The following SHB variants were observed in gnomAD, a reference collection of about 807,000 sequenced individuals.
SHB encodes the protein SH2 domain-containing adapter protein B.
In SHB, 20 loss-of-function variants were observed where a neutral mutation model predicts 52.3. That is an observed-to-expected ratio of 0.38 (90% CI 0.27 to 0.56). The LOEUF is 0.56. Ranked by LOEUF, SHB falls within the 20% of genes least tolerant of loss-of-function variation. The pLI, the probability that SHB is intolerant of heterozygous loss-of-function variation, is 0.71. For synonymous variants in SHB, 397 were observed against 316.5 expected (o/e 1.25, Z -2.70); for missense variants, 825 against 723.3 (o/e 1.14, Z -1.61).
intron 1 of SHB, among the ~76,000 whole-genome samples, chr9:38,056,248 A>C (rs1210176646): frequency 6.6e-6 from 1 of 152,232 alleles, no homozygotes; most frequent in African/African-American, 2.4e-5. Flanking sequence ...TCATACAATG[A>C]AATCAAACTC....
At chr9:38,014,851 G>A (rs933947692) in intron 2 of SHB, among the ~76,000 whole-genome samples, 3 of 152,202 alleles carry the variant, frequency 2.0e-5, no homozygotes, top group African/African-American at 7.2e-5. Flanking sequence ...AGCCCTATAA[G>A]CTGACGCTGG....
At chr9:38,046,030 C>T (rs141520721) in intron 1 of SHB, among the ~76,000 whole-genome samples, 2 of 151,932 alleles carry the variant, frequency 1.3e-5, no homozygotes, top group Non-Finnish European at 2.9e-5. Flanking sequence ...AGTTCAAGAC[C>T]AGCCTGGCCA....
chr9:38,060,916 C>G (rs564517505), intron 1 of SHB, among the ~76,000 whole-genome samples: 9 of 152,350 alleles, frequency 5.9e-5, no homozygotes, highest in African/African-American at 2.2e-4. Context: ...ACTATCCAGG[C>G]CCTGGTTCAT....
chr9:37,924,770 T>G (rs1193636899), intron 5 of SHB, among the ~76,000 whole-genome samples: 3 of 152,086 alleles, frequency 2.0e-5, no homozygotes, highest in Non-Finnish European at 2.9e-5. Flanking sequence ...GCAAACAACT[T>G]TAAGTTGTTA....
intron 2 of SHB, among the ~76,000 whole-genome samples, chr9:37,982,905 T>C (rs957824306): frequency 6.6e-6 from 1 of 151,096 alleles, no homozygotes; most frequent in East Asian, 1.9e-4. Flanking sequence ...TCTTCAGGAA[T>C]AGAAAAAAAA....
chr9:38,042,371 G>A (rs759589639), intron 1 of SHB, among the ~76,000 whole-genome samples: 1 of 152,192 alleles, frequency 6.6e-6, no homozygotes, highest in Non-Finnish European at 1.5e-5. Context: ...TTTAATTACT[G>A]AGGAGCAGTG....
At position 37,974,762 on chromosome 9, in the gene SHB, C is replaced by A. The variant is rs78261523; in HGVS notation, c.914G>T (p.Gly305Val). 1.4e-5 allele frequency: 22 copies of A among 1,614,026 alleles called. No homozygotes were observed. The highest frequency in any genetic ancestry group is 1.2e-4 in the African/African-American group (9 of 74,916). Reference protein sequence around the residue: ...QLYDTPYEPEGQSVDSDSEST... With the variant: ...QLYDTPYEPEVQSVDSDSEST... ...CTCCGAGTCTGAGTCAACACTTTGG[C>A]CTTCAGGTTCGTAAGGGGTGTCATA... The change falls in exon 3 of 6, where the codon GGC becomes GTC. Residue 305 changes from glycine (G) to valine (V), a missense_variant. Transcript: ENST00000377707.
intron 5 of SHB, among the ~76,000 whole-genome samples, chr9:37,939,365 G>A (rs548591897): frequency 5.3e-5 from 8 of 152,368 alleles, no homozygotes; most frequent in African/African-American, 1.9e-4. Context: ...ACGGCCTTAA[G>A]ACAGGTTAAG....
chr9:38,065,926 T>G (rs747238902), intron 1 of SHB, among the ~76,000 whole-genome samples: 33 of 152,124 alleles, frequency 2.2e-4, no homozygotes, highest in Non-Finnish European at 4.0e-4. Flanking sequence ...ATAATGGCCC[T>G]GCCTCCAAGG....
At chr9:37,920,429 G>C (rs1182792693) in intron 5 of SHB, among the ~76,000 whole-genome samples, 1 of 152,220 alleles carries the variant, frequency 6.6e-6, no homozygotes, top group Non-Finnish European at 1.5e-5. Flanking sequence ...CATGACAAGT[G>C]GGTAGGGCAG....
At chr9:38,023,470 G>A (rs1195087367) in intron 1 of SHB, among the ~76,000 whole-genome samples, 1 of 152,194 alleles carries the variant, frequency 6.6e-6, no homozygotes, top group Non-Finnish European at 1.5e-5. Flanking sequence ...GCGGTGAGGG[G>A]CAAAAGCACT....
chr9:38,029,234 C>T (rs944045483), intron 1 of SHB, among the ~76,000 whole-genome samples: 5 of 152,220 alleles, frequency 3.3e-5, no homozygotes, highest in Non-Finnish European at 7.3e-5. Context: ...CTGGGGGAGT[C>T]AATGAGCAAA....
At position 38,018,256 on chromosome 9, in the gene SHB, T is replaced by C. The variant is rs28459107; in HGVS notation, c.718-2125A>G. Among the ~76,000 whole-genome samples, 1,148 of 152,278 alleles carry C rather than the reference T, an allele frequency of 7.5e-3. 21 individuals carry two copies. Among genetic ancestry groups the C allele is most frequent in the African/African-American group, 0.025 (1,057 of 41,550 alleles). ...TCTGTAATTTGCAAACACAGAGGTT[T>C]GCAGGATATAAACCAAATCTTTGTT... On this transcript the variant is annotated intron_variant, in intron 1 of 5. Coordinates refer to ENST00000377707, the MANE Select transcript of SHB (RefSeq NM_003028.3).
intron 3 of SHB, among the ~76,000 whole-genome samples, chr9:37,965,539 AG>A (rs1284724946): frequency 6.6e-6 from 1 of 151,354 alleles, no homozygotes; most frequent in Non-Finnish European, 1.5e-5. Flanking sequence ...AAGAGAACAC[AG>A]GGTTGGTTTT....
intron 2 of SHB, among the ~76,000 whole-genome samples, chr9:37,983,077 A>T (rs1332180812): frequency 6.6e-6 from 1 of 151,790 alleles, no homozygotes; most frequent in Non-Finnish European, 1.5e-5. Context: ...GAGGAATGAG[A>T]TGCAGTCCTG....
intron 1 of SHB, among the ~76,000 whole-genome samples, chr9:38,040,217 G>C (rs548060048): frequency 1.1e-4 from 17 of 152,362 alleles, no homozygotes; most frequent in African/African-American, 3.8e-4. Flanking sequence ...GGCACAACTC[G>C]ATGGGGAAAG....
chr9:37,985,851 C>CAGTGATG (rs11273348), intron 2 of SHB, among the ~76,000 whole-genome samples: 3 of 151,400 alleles, frequency 2.0e-5, no homozygotes, highest in African/African-American at 7.3e-5. Flanking sequence ...AGTTGGACAG[C>CAGTGATG]AGTGAGCGCC....
chr9:38,022,277 C>T (rs1245128870), intron 1 of SHB, among the ~76,000 whole-genome samples: 1 of 152,132 alleles, frequency 6.6e-6, no homozygotes, highest in Admixed American at 6.5e-5. Flanking sequence ...CAGTAATGAA[C>T]AGTGAAAACA....
chr9:37,920,970 A>G (rs12000373), intron 5 of SHB, among the ~76,000 whole-genome samples: 7,595 of 152,092 alleles, frequency 0.05, 364 homozygotes, highest in African/African-American at 0.11. Flanking sequence ...CGAGGGCCAA[A>G]GCCACAGTCC....
Sources: allele counts gnomAD v4.1 joint callset (sites outside exome capture counted in the v4.1 genomes callset), GRCh38; gene constraint gnomAD v4.1.1; transcripts MANE v1.5; gene names NCBI Gene and HGNC (gene_info 2026-07-23, HGNC 2026-07-21).